ERBB4: variants seen among roughly 807,000 people sequenced by gnomAD.
ERBB4 encodes the protein erb-b2 receptor tyrosine kinase 4.
ERBB4 carries 42 observed loss-of-function variants against 158.0 expected under a neutral mutation model. That is an observed-to-expected ratio of 0.27 (90% CI 0.21 to 0.34). ERBB4 has a LOEUF of 0.34. Ranked by LOEUF, ERBB4 falls within the 10% of genes least tolerant of loss-of-function variation. ERBB4 has a pLI of 1.00. For missense variants in ERBB4, 1,333 were observed against 1,624.1 expected (o/e 0.82, Z 3.08); for synonymous variants, 583 against 558.7 (o/e 1.04, Z -0.61).
chr2:211,981,353 T>C (rs1455430318), intron 2 of ERBB4, among the ~76,000 whole-genome samples: 1 of 152,194 alleles, frequency 6.6e-6, no homozygotes. Context: ...TTCTAACCGA[T>C]GACCTTGTAG....
At chr2:212,456,095 T>C (rs561517446) in intron 1 of ERBB4, among the ~76,000 whole-genome samples, 11 of 152,270 alleles carry the variant, frequency 7.2e-5, no homozygotes, top group African/African-American at 2.6e-4. Context: ...AATAATGGTT[T>C]ACCAAGTAAA....
intron 3 of ERBB4, among the ~76,000 whole-genome samples, chr2:211,797,578 T>C (rs1197005430): frequency 6.6e-6 from 1 of 151,942 alleles, no homozygotes; most frequent in African/African-American, 2.4e-5. Context: ...TCTTGTAAGA[T>C]GATTATATGA....
intron 5 of ERBB4, among the ~76,000 whole-genome samples, chr2:211,736,255 A>T (rs924669746): frequency 6.6e-6 from 1 of 152,228 alleles, no homozygotes; most frequent in African/African-American, 2.4e-5. Context: ...ATTTTTAAAA[A>T]ATAACAATTT....
At chr2:211,727,893 C>T (rs2074315645) in intron 5 of ERBB4, among the ~76,000 whole-genome samples, 1 of 151,780 alleles carries the variant, frequency 6.6e-6, no homozygotes, top group Non-Finnish European at 1.5e-5. Flanking sequence ...CTATTTTTTA[C>T]CATAAGCTTA....
In ERBB4 at chr2:211,722,481, G is replaced by T. The variant is rs2074134315; in HGVS notation, c.795C>A (p.Thr265=). 1.2e-6 allele frequency: 2 copies of T among 1,613,938 alleles called. No homozygotes were observed. Among genetic ancestry groups the T allele is most frequent in the Non-Finnish European group, 1.7e-6 (2 of 1,179,848 alleles). Residue 265 remains threonine (T), a synonymous_variant, in exon 7 of 28, where the codon ACC becomes ACA. Coordinates refer to ENST00000342788, the MANE Select transcript of ERBB4 (RefSeq NM_005235.3). The part of the protein sequence containing the change: ...SGACVTQCPQ[T]FVYNPTTFQL... Reference sequence around the variant, plus strand: ...GAAAGGTGGTTGGATTGTAGACAAAGGTTTGGGGACACTGAGTAACACATG... The same window carrying T: ...GAAAGGTGGTTGGATTGTAGACAAATGTTTGGGGACACTGAGTAACACATG...
chr2:212,105,947 T>C (rs2079214016), intron 2 of ERBB4, among the ~76,000 whole-genome samples: 1 of 152,232 alleles, frequency 6.6e-6, no homozygotes, highest in Non-Finnish European at 1.5e-5. Context: ...GACATGTCTT[T>C]TGCTTTCCAA....
At chr2:211,402,836 C>T (rs183220332) in intron 25 of ERBB4, among the ~76,000 whole-genome samples, 1 of 151,936 alleles carries the variant, frequency 6.6e-6, no homozygotes, top group Non-Finnish European at 1.5e-5. Flanking sequence ...GTTCTAAACA[C>T]CAGAAGTCCC....
chr2:211,524,237 T>C (rs1383006733), intron 20 of ERBB4, among the ~76,000 whole-genome samples: 1 of 152,092 alleles, frequency 6.6e-6, no homozygotes, highest in Non-Finnish European at 1.5e-5. Context: ...AGGGTGCTGA[T>C]TGGTGTGTTT....
intron 3 of ERBB4, among the ~76,000 whole-genome samples, chr2:211,919,317 A>T (rs1322777553): frequency 6.6e-6 from 1 of 152,090 alleles, no homozygotes. Context: ...TTCCATGCAG[A>T]CATCTTTACA....
intron 4 of ERBB4, among the ~76,000 whole-genome samples, chr2:211,766,576 T>C (rs2075554177): frequency 6.6e-6 from 1 of 152,212 alleles, no homozygotes; most frequent in African/African-American, 2.4e-5. Flanking sequence ...AAAGGGAAAA[T>C]AGTTCCTTAA....
chr2:211,772,807 GGA>G (rs2075726164), intron 4 of ERBB4, among the ~76,000 whole-genome samples: 1 of 43,790 alleles, frequency 2.3e-5, no homozygotes, highest in Non-Finnish European at 3.7e-5. Flanking sequence ...CACCATACTG[GGA>G]TATATATATA....
At chr2:212,460,640 G>A (rs1285412256) in intron 1 of ERBB4, among the ~76,000 whole-genome samples, 1 of 152,160 alleles carries the variant, frequency 6.6e-6, no homozygotes, top group Non-Finnish European at 1.5e-5. Context: ...TTTCTAAGCA[G>A]CAAAGCCTTC....
intron 25 of ERBB4, among the ~76,000 whole-genome samples, chr2:211,393,763 G>A (rs990241247): frequency 2.4e-4 from 36 of 150,694 alleles, no homozygotes; most frequent in African/African-American, 8.2e-4. Flanking sequence ...GTGTGTGTGT[G>A]TGTGTGTGTG....
intron 3 of ERBB4, among the ~76,000 whole-genome samples, chr2:211,845,951 A>G (rs2106015670): frequency 6.6e-6 from 1 of 152,196 alleles, no homozygotes; most frequent in East Asian, 1.9e-4. Flanking sequence ...TATTCCCTGA[A>G]TTGTCAATTA....
chr2:212,168,222 A>G (rs932341943), intron 1 of ERBB4, among the ~76,000 whole-genome samples: 1 of 152,144 alleles, frequency 6.6e-6, no homozygotes. Flanking sequence ...TTGCATTCCT[A>G]AATTCCTGGG....
intron 20 of ERBB4, among the ~76,000 whole-genome samples, chr2:211,438,965 C>CAGAT (rs1303081026): frequency 4.7e-5 from 7 of 150,376 alleles, no homozygotes; most frequent in Non-Finnish European, 2.9e-5. Context: ...TTATTTTTCA[C>CAGAT]AGATAGTCCC....
At chr2:211,602,680 C>T (rs1385323389) in intron 19 of ERBB4, among the ~76,000 whole-genome samples, 8 of 152,082 alleles carry the variant, frequency 5.3e-5, no homozygotes, top group Non-Finnish European at 1.2e-4. Flanking sequence ...TTAAATGTCC[C>T]CCTCTTTAAC....
chr2:212,161,204 T>A (rs2081193344), intron 1 of ERBB4, among the ~76,000 whole-genome samples: 1 of 151,884 alleles, frequency 6.6e-6, no homozygotes, highest in African/African-American at 2.4e-5. Flanking sequence ...TCAAAATATA[T>A]CTGTACAGTC....
At chr2:211,753,213 G>T (rs1209494183) in intron 4 of ERBB4, among the ~76,000 whole-genome samples, 1 of 151,474 alleles carries the variant, frequency 6.6e-6, no homozygotes, top group Non-Finnish European at 1.5e-5. Flanking sequence ...TGTAACCTTA[G>T]TTTGATTCTT....
Sources: allele counts gnomAD v4.1 joint callset (sites outside exome capture counted in the v4.1 genomes callset), GRCh38; gene constraint gnomAD v4.1.1; transcripts MANE v1.5; gene names NCBI Gene and HGNC (gene_info 2026-07-23, HGNC 2026-07-21).